Variants in CLIP2 observed in about 807,000 individuals in gnomAD.
The protein encoded by CLIP2 is CAP-Gly domain containing linker protein 2.
In CLIP2, 41 loss-of-function variants were observed where a neutral mutation model predicts 111.7. The ratio of observed to expected loss-of-function variants is 0.37; its 90% confidence interval spans 0.29 to 0.48. The LOEUF is 0.48. Ranked by LOEUF, CLIP2 falls within the 20% of genes least tolerant of loss-of-function variation. The pLI, the probability that CLIP2 is intolerant of heterozygous loss-of-function variation, is 0.99. For missense variants in CLIP2, 1,160 were observed against 1,422.1 expected (o/e 0.82, Z 2.96); for synonymous variants, 660 against 644.2 (o/e 1.02, Z -0.37).
chr7:74,328,305 C>T (rs1789176226), intron 2 of CLIP2, among the ~76,000 whole-genome samples: 1 of 152,180 alleles, frequency 6.6e-6, no homozygotes, highest in Non-Finnish European at 1.5e-5. Flanking sequence ...CCTTTGAGCA[C>T]CTTCGGGAGA....
intron 1 of CLIP2, among the ~76,000 whole-genome samples, chr7:74,302,225 A>C (rs1788358994): frequency 6.6e-6 from 1 of 151,608 alleles, no homozygotes; most frequent in Non-Finnish European, 1.5e-5. Context: ...TTATTTTAAA[A>C]ATTTTTTTGA....
At chr7:74,306,629 G>T (rs1788495890) in intron 1 of CLIP2, among the ~76,000 whole-genome samples, 2 of 152,192 alleles carry the variant, frequency 1.3e-5, no homozygotes, top group African/African-American at 4.8e-5. Flanking sequence ...GTGAAATGCA[G>T]CCGGGGCTTG....
At chr7:74,394,026 GGATGCCCCTCCGCT>G (rs1207465891) in intron 13 of CLIP2, among the ~76,000 whole-genome samples, 1 of 152,130 alleles carries the variant, frequency 6.6e-6, no homozygotes, top group Non-Finnish European at 1.5e-5. Flanking sequence ...CTCAGCCGCA[GGATGCCCCTCCGCT>G]GAGTCTCGAT....
At chr7:74,326,303 C>T (rs1398762303) in intron 2 of CLIP2, among the ~76,000 whole-genome samples, 1 of 152,104 alleles carries the variant, frequency 6.6e-6, no homozygotes, top group Non-Finnish European at 1.5e-5. Flanking sequence ...GGTTACAGGG[C>T]CAGAGCTGAG....
chr7:74,380,813 A>T lies in CLIP2; in HGVS notation c.2429A>T (p.Glu810Val). Residue 810 changes from glutamate (E) to valine (V), a missense_variant, in exon 11 of 17, where the codon GAG (glutamate) becomes GTG (valine). Around this residue, in one of 5 missense-constraint regions of CLIP2, gnomAD observed 676 missense variants for 777.8 expected, o/e 0.87. Transcript: ENST00000223398. The stretch of plus-strand genomic sequence containing the variant: ...CAGGGGCTCTTTTTGCAGATGATTG[A>T]GTCGAATGACATTTCAGAGGAGACG... ...LCSSQHTHMIESNDISEETIR... is the reference protein window; with the variant it reads ...LCSSQHTHMIVSNDISEETIR... 4.4e-6 allele frequency: 7 copies of T among 1,607,458 alleles called. No individual in the cohort carries two copies. The highest frequency in any genetic ancestry group is 6.0e-6 in the Non-Finnish European group (7 of 1,175,404).
At chr7:74,339,940 C>A (rs517750) in intron 3 of CLIP2, among the ~76,000 whole-genome samples, 93,673 of 151,564 alleles carry the variant, frequency 0.62, 30,782 homozygotes, top group Middle Eastern at 0.74. Flanking sequence ...AAAATACAAA[C>A]AAAATTAGCC....
intron 3 of CLIP2, among the ~76,000 whole-genome samples, chr7:74,349,703 A>G: frequency 6.6e-6 from 1 of 150,466 alleles, no homozygotes; most frequent in African/African-American, 2.4e-5. Context: ...GCTCACTGCA[A>G]CCTCTGCCTC....
intron 2 of CLIP2, among the ~76,000 whole-genome samples, chr7:74,332,438 C>T (rs1316197995): frequency 6.6e-6 from 1 of 150,444 alleles, no homozygotes; most frequent in Non-Finnish European, 1.5e-5. Flanking sequence ...TGGGATCATG[C>T]CTCACTGCAG....
At chr7:74,364,406 T>C (rs1790418269) in intron 8 of CLIP2, 91 bp downstream of exon 8, 2 of 1,144,528 alleles carry the variant, frequency 1.7e-6, no homozygotes, top group African/African-American at 3.1e-5. Flanking sequence ...GCAGCACCTC[T>C]AGGCCCCCCC....
At chr7:74,399,643 G>A (rs1157216363) in intron 14 of CLIP2, among the ~76,000 whole-genome samples, 1 of 151,170 alleles carries the variant, frequency 6.6e-6, no homozygotes, top group East Asian at 2.0e-4. Flanking sequence ...GGGTTCAAGC[G>A]ATTCTCCTGC....
intron 2 of CLIP2, among the ~76,000 whole-genome samples, chr7:74,332,558 A>G (rs1789322391): frequency 6.8e-6 from 1 of 146,104 alleles, no homozygotes; most frequent in Non-Finnish European, 1.5e-5. Flanking sequence ...CTGGCCTCCC[A>G]AAGAGCTGGG....
rs192112492 is a variant in CLIP2, at chr7:74,382,058, T to C, written c.2479+1195T>C. On this transcript the variant is annotated intron_variant, in intron 11 of 16. Coordinates refer to ENST00000223398, the MANE Select transcript of CLIP2 (RefSeq NM_003388.5). Reference sequence around the variant, plus strand: ...GTAACTTCAACTCACCTTTCTCTTATGTGGATGAAGTTAAGAGGTATTTCT... The same window carrying C: ...GTAACTTCAACTCACCTTTCTCTTACGTGGATGAAGTTAAGAGGTATTTCT... Among the ~76,000 whole-genome samples, 5 of 151,916 alleles carry C rather than the reference T, an allele frequency of 3.3e-5. No individual in the cohort carries two copies. The East Asian group carries it at 5.8e-4, about 18-fold the overall frequency.
chr7:74,357,385 C>T lies in CLIP2; in HGVS notation c.1123C>T (p.Arg375Ter). ...GCACATTGAGCAGCTGCTGGCTGAA[C>T]GAGACCTGGAACGGGCTGAGGTGGC... The part of the protein sequence containing the change: ...QQHIEQLLAE[R>*]DLERAEVAKA... Residue 375 changes from arginine to a stop codon, truncating the protein, a stop_gained, in exon 6 of 17, where the codon CGA becomes TGA. Transcript: ENST00000223398. LOFTEE classifies it high-confidence loss of function. 2 of 1,613,806 alleles carry T rather than the reference C, an allele frequency of 1.2e-6. No individual in the cohort carries two copies. Among genetic ancestry groups the T allele is most frequent in the East Asian group, 2.2e-5 (1 of 44,878 alleles).
chr7:74,378,482 A>C (rs192946052), intron 10 of CLIP2, among the ~76,000 whole-genome samples: 2 of 152,188 alleles, frequency 1.3e-5, no homozygotes, highest in East Asian at 3.9e-4. Context: ...GCTCACACCT[A>C]TAATTCCAGC....
chr7:74,358,513 C>T (rs371058137), intron 6 of CLIP2, among the ~76,000 whole-genome samples: 32 of 152,048 alleles, frequency 2.1e-4, no homozygotes, highest in Admixed American at 1.1e-3. Flanking sequence ...TTTTCTTCCC[C>T]GGCTACTTAT....
intron 6 of CLIP2, among the ~76,000 whole-genome samples, chr7:74,358,234 A>T (rs1790205279): frequency 6.6e-6 from 1 of 151,362 alleles, no homozygotes; most frequent in African/African-American, 2.4e-5. Flanking sequence ...TATTTTAAGT[A>T]GAGATGGGGT....
intron 4 of CLIP2, among the ~76,000 whole-genome samples, 190 bp downstream of exon 4, chr7:74,354,194 G>A (rs782105334): frequency 6.6e-6 from 1 of 152,208 alleles, no homozygotes; most frequent in Non-Finnish European, 1.5e-5. Flanking sequence ...CCATTTTACA[G>A]ATGAGAGTAT....
intron 1 of CLIP2, among the ~76,000 whole-genome samples, chr7:74,316,780 T>G (rs1428385689): frequency 1.3e-5 from 2 of 152,210 alleles, no homozygotes; most frequent in African/African-American, 4.8e-5. Flanking sequence ...CAGCCTGGTC[T>G]TGAACTCCTG....
chr7:74,323,770 G>A (rs1297054333), intron 2 of CLIP2, among the ~76,000 whole-genome samples: 3 of 152,200 alleles, frequency 2.0e-5, no homozygotes, highest in South Asian at 2.1e-4. Context: ...ACTTCCCCTC[G>A]TGTTACAGTT....
Sources: gnomAD v4.1 joint callset for allele counts (sites outside exome capture counted in the v4.1 genomes callset) on GRCh38, gnomAD v4.1.1 for gene constraint, gnomAD v4.1.1 regional missense constraint, MANE v1.5 for transcripts, NCBI Gene and HGNC (gene_info 2026-07-23, HGNC 2026-07-21) for gene names.